OVCH1: variants seen among roughly 807,000 people sequenced by gnomAD.
OVCH1 encodes the protein ovochymase 1, also known as ovochymase-1.
Under a neutral mutation model 138.4 loss-of-function variants are expected in OVCH1, and 139 were observed. The observed-to-expected ratio is 1.00, with a 90% CI of 0.87 to 1.16. The LOEUF (loss-of-function observed/expected upper bound fraction) is 1.16, where lower values mean the gene tolerates loss of function less well. Among genes scored for constraint, OVCH1 ranks in the 50% most tolerant of loss-of-function variants. OVCH1 has a pLI of 0.00. For synonymous variants in OVCH1, 453 were observed against 467.8 expected (o/e 0.97, Z 0.41); for missense variants, 1,367 against 1,357.9 (o/e 1.01, Z -0.11).
At chr12:29,455,254 A>G in exon 20 of OVCH1, 1 of 1,611,482 alleles carries the variant, frequency 6.2e-7, no homozygotes, top group African/African-American at 1.3e-5. Flanking sequence ...TTTACCATTG[A>G]TTTTTGATTG....
At chr12:29,424,456 T>C (rs980061090), downstream of OVCH1, among the ~76,000 whole-genome samples, 1 of 152,072 alleles carries the variant, frequency 6.6e-6, no homozygotes, top group African/African-American at 2.4e-5. Context: ...TTGGGGGGCC[T>C]GTTCCCAACA....
downstream of OVCH1, chr12:29,426,071 T>C (rs1267001176): frequency 1.3e-5 from 2 of 152,232 alleles, no homozygotes; most frequent in Non-Finnish European, 2.9e-5. Flanking sequence ...TATGGTACTA[T>C]GATTCCCTTT....
At chr12:29,481,090 G>A (rs4931194) in intron 8 of OVCH1, among the ~76,000 whole-genome samples, 9,047 of 151,678 alleles carry the variant, frequency 0.06, 338 homozygotes, top group Non-Finnish European at 0.084. Context: ...ACATGTTTTG[G>A]CCTATACTTG....
At chr12:29,439,363 T>A in exon 26 of OVCH1, 1 of 1,582,264 alleles carries the variant, frequency 6.3e-7, no homozygotes, top group Non-Finnish European at 8.6e-7. Flanking sequence ...ATATATGTGT[T>A]AATAAAATTC....
At chr12:29,453,645 A>G (rs905748425) in intron 21 of OVCH1, among the ~76,000 whole-genome samples, 3 of 152,010 alleles carry the variant, frequency 2.0e-5, no homozygotes, top group African/African-American at 7.2e-5. Flanking sequence ...TCCCAAACAA[A>G]TCTCTCATCC....
At chr12:29,406,356 A>G in the OVCH1 span, among the ~76,000 whole-genome samples, 21 of 152,062 alleles carry the variant, frequency 1.4e-4, no homozygotes, top group African/African-American at 5.1e-4. Flanking sequence ...CATGTGCACA[A>G]TGTGCAGGTT....
Position 29,442,282 on chromosome 12 carries a change from T to C in OVCH1, c.3157+1079A>G, listed in dbSNP as rs1374044529. On this transcript the variant is annotated intron_variant, in intron 25 of 27. Transcript: ENST00000318184. ...TGTGGCACATATACACCATGGAATATTATGCAGCCATAAAAAATGATGAGT... is the reference window on the plus strand; with the variant it reads ...TGTGGCACATATACACCATGGAATACTATGCAGCCATAAAAAATGATGAGT... 6.6e-5 allele frequency among the ~76,000 whole-genome samples: 10 copies of C among 151,482 alleles called. No individual in the cohort carries two copies. The South Asian group carries it at 1.3e-3, about 19-fold the overall frequency.
chr12:29,463,529 C>G (rs1251424250), intron 18 of OVCH1, among the ~76,000 whole-genome samples: 1 of 152,160 alleles, frequency 6.6e-6, no homozygotes, highest in Non-Finnish European at 1.5e-5. Flanking sequence ...TCACACAGAG[C>G]TTTCCAAGCT....
exon 8 of OVCH1, chr12:29,486,309 C>T: frequency 1.2e-6 from 2 of 1,613,682 alleles, no homozygotes; most frequent in Non-Finnish European, 1.7e-6. Flanking sequence ...TGTTATATAC[C>T]TTGAGCCCAC....
chr12:29,455,456 C>T (rs956162156), intron 19 of OVCH1, 51 bp from the exon 20 acceptor site: 3 of 1,528,750 alleles, frequency 2.0e-6, no homozygotes, highest in Admixed American at 2.1e-5. Context: ...TCTGAAGCTC[C>T]TGCTTTCAGT....
intron 3 of OVCH1, among the ~76,000 whole-genome samples, chr12:29,495,920 A>AC (rs1943402804): frequency 3.3e-5 from 5 of 152,206 alleles, no homozygotes; most frequent in Admixed American, 3.3e-4. Flanking sequence ...TTATTACAGT[A>AC]AGTAACCACC....
chr12:29,430,240 CT>C (rs1941246113), intron 27 of OVCH1, among the ~76,000 whole-genome samples: 1 of 104,638 alleles, frequency 9.6e-6, no homozygotes, highest in Non-Finnish European at 2.0e-5. Flanking sequence ...TAAAACATAA[CT>C]TCAATATCAT....
At chr12:29,419,909 T>C (rs1941080183) in intron 3 of OVCH1, among the ~76,000 whole-genome samples, 1 of 152,192 alleles carries the variant, frequency 6.6e-6, no homozygotes, top group Non-Finnish European at 1.5e-5. Context: ...TAAGGATGAC[T>C]TCTTGAGATT....
chr12:29,489,815 G>A (rs1214283266), intron 5 of OVCH1, 44 bp from the exon 6 acceptor site: 2 of 1,565,036 alleles, frequency 1.3e-6, no homozygotes, highest in Non-Finnish European at 1.7e-6. Context: ...TATCCTCATG[G>A]AAACAAATTA....
chr12:29,496,447 A>T, intron 2 of OVCH1, 109 bp downstream of exon 2: 1 of 1,149,084 alleles, frequency 8.7e-7, no homozygotes, highest in Non-Finnish European at 1.2e-6. Flanking sequence ...GTAGAGAGCT[A>T]GAGGGGTTCA....
At chr12:29,406,490 G>A in the OVCH1 span, among the ~76,000 whole-genome samples, 3 of 149,302 alleles carry the variant, frequency 2.0e-5, no homozygotes, top group Admixed American at 6.7e-5. Context: ...AGAGTGTGAT[G>A]TTCCCCTTCC....
intron 22 of OVCH1, among the ~76,000 whole-genome samples, chr12:29,447,171 T>G (rs994076055): frequency 6.6e-6 from 1 of 152,012 alleles, no homozygotes; most frequent in Non-Finnish European, 1.5e-5. Flanking sequence ...GGCAATTAGT[T>G]TTAAAAAAAC....
At chr12:29,471,013 T>TGG (rs1942488730) in intron 16 of OVCH1, among the ~76,000 whole-genome samples, 1 of 152,174 alleles carries the variant, frequency 6.6e-6, no homozygotes, top group Admixed American at 6.5e-5. Flanking sequence ...CACATAAATG[T>TGG]CTTTTTTGAG....
intron 27 of OVCH1, among the ~76,000 whole-genome samples, chr12:29,432,847 T>A (rs749065362): frequency 1.3e-5 from 2 of 151,900 alleles, no homozygotes; most frequent in Non-Finnish European, 2.9e-5. Flanking sequence ...CCAAAACAAG[T>A]GAGATTTGAG....
Sources: allele counts gnomAD v4.1 joint callset (sites outside exome capture counted in the v4.1 genomes callset), GRCh38; gene constraint gnomAD v4.1.1; transcripts MANE v1.5; gene names NCBI Gene and HGNC (gene_info 2026-07-23, HGNC 2026-07-21).